COL4A6: variants seen among roughly 807,000 people sequenced by gnomAD.
COL4A6 encodes collagen alpha-6(IV) chain.
In COL4A6, 59 loss-of-function variants were observed where a neutral mutation model predicts 126.7. The ratio of observed to expected loss-of-function variants is 0.47; its 90% CI spans 0.38 to 0.58. COL4A6 has a LOEUF of 0.58. Among genes scored for constraint, COL4A6 ranks in the 20% least tolerant of loss-of-function variants. COL4A6 has a pLI of 0.00. For missense variants in COL4A6, 1,285 were observed against 1,337.3 expected (o/e 0.96, Z 0.61); for synonymous variants, 547 against 496.6 (o/e 1.10, Z -1.35).
At chrX:108,272,293 C>T (rs1280077109) in intron 3 of COL4A6, among the ~76,000 whole-genome samples, 5 of 111,806 alleles carry the variant, frequency 4.5e-5, no homozygotes, top group African/African-American at 1.6e-4. Flanking sequence ...CGTTCTCATT[C>T]TTTTAAAGGA....
chrX:108,392,649 C>T (rs1314476828), intron 2 of COL4A6, among the ~76,000 whole-genome samples: 1 of 111,376 alleles, frequency 9.0e-6, no homozygotes, highest in East Asian at 2.8e-4. Flanking sequence ...TGCTAAAATT[C>T]TAACCCCCAA....
intron 2 of COL4A6, among the ~76,000 whole-genome samples, chrX:108,372,121 A>C (rs1031716393): frequency 1.8e-5 from 2 of 111,268 alleles, no homozygotes; most frequent in East Asian, 5.7e-4. Flanking sequence ...GGAGACTAAC[A>C]GTCATTTTTC....
intron 3 of COL4A6, among the ~76,000 whole-genome samples, chrX:108,285,025 C>T (rs773142581): frequency 8.9e-5 from 10 of 111,759 alleles, no homozygotes; most frequent in Non-Finnish European, 9.4e-5. Context: ...TTACTGAAAA[C>T]GAAATTGTAC....
At position 108,309,483 on chromosome X, in the gene COL4A6, G is replaced by A. The variant is rs757846005; in HGVS notation, c.144+1265C>T. Among the ~76,000 whole-genome samples the A allele has an allele frequency of 1.3e-4, 14 of 110,931 alleles. No homozygotes were observed. In the South Asian group the frequency reaches 5.0e-3, roughly 40 times the overall value. On this transcript the variant is annotated intron_variant, in intron 3 of 44. Coordinates refer to ENST00000334504, the MANE Select transcript of COL4A6 (RefSeq NM_033641.4). ...ATACCTTCCCTTTCTCATATTTTAC[G>A]ATTCTCTAAGTCCATGTCTTTAATG...
chrX:108,162,986 G>A lies in COL4A6; in HGVS notation c.4122C>T (p.Val1374=). 1 of 1,201,223 alleles carries A rather than the reference G, an allele frequency of 8.3e-7. No individual in the cohort carries two copies. Among genetic ancestry groups the A allele is most frequent in the Non-Finnish European group, 1.1e-6 (1 of 891,264 alleles). ...DPGQTPTAEA[V]QVPPGPLGLP... ...GACCCAAGGGTCCAGGAGGAACCTGGACAGCTTCTGCAGTTGGTGTTTGTC... is the reference window on the plus strand; with the variant it reads ...GACCCAAGGGTCCAGGAGGAACCTGAACAGCTTCTGCAGTTGGTGTTTGTC... The change falls in exon 41 of 45, where the codon GTC becomes GTT. Residue 1374 remains valine (V), a synonymous_variant. Coordinates refer to ENST00000334504, the MANE Select transcript of COL4A6 (RefSeq NM_033641.4).
At chrX:108,374,540 G>T (rs936908923) in intron 2 of COL4A6, among the ~76,000 whole-genome samples, 1 of 111,862 alleles carries the variant, frequency 8.9e-6, no homozygotes, top group Admixed American at 9.5e-5. Context: ...TGTCAATCAC[G>T]TCCTATTTTC....
intron 2 of COL4A6, among the ~76,000 whole-genome samples, chrX:108,344,570 A>T (rs1160674266): frequency 1.8e-5 from 2 of 111,574 alleles, no homozygotes; most frequent in African/African-American, 6.5e-5. Context: ...GATACTTTTC[A>T]TTTTTTTTGA....
intron 3 of COL4A6, among the ~76,000 whole-genome samples, chrX:108,227,571 G>T (rs1602866882): frequency 9.0e-6 from 1 of 111,080 alleles, no homozygotes; most frequent in East Asian, 2.8e-4. Context: ...GGGCTTTCAA[G>T]TCATAGGTGG....
intron 2 of COL4A6, among the ~76,000 whole-genome samples, chrX:108,409,581 G>C: frequency 9.0e-6 from 1 of 111,517 alleles, no homozygotes; most frequent in Non-Finnish European, 1.9e-5. Context: ...TGGAAAAGCT[G>C]GAATAGAACC....
intron 3 of COL4A6, among the ~76,000 whole-genome samples, chrX:108,233,692 T>G (rs1357343975): frequency 8.9e-6 from 1 of 111,849 alleles, no homozygotes; most frequent in Admixed American, 9.5e-5. Flanking sequence ...CAAACACACA[T>G]GCCCACAGGC....
chrX:108,349,009 C>T (rs1040516822), intron 2 of COL4A6, among the ~76,000 whole-genome samples: 2 of 111,055 alleles, frequency 1.8e-5, no homozygotes, highest in Admixed American at 9.6e-5. Flanking sequence ...CATCCAGTGC[C>T]ATGACATGGA....
intron 38 of COL4A6, 80 bp from the exon 39 acceptor site, chrX:108,165,118 C>T: frequency 2.0e-6 from 2 of 976,195 alleles, no homozygotes; most frequent in South Asian, 4.3e-5. Context: ...ACTGACAGGA[C>T]TCCAAAGCCC....
intron 32 of COL4A6, among the ~76,000 whole-genome samples, chrX:108,172,227 G>GCT (rs1482372409): frequency 1.8e-5 from 2 of 109,448 alleles, no homozygotes; most frequent in Non-Finnish European, 3.8e-5. Flanking sequence ...GTTAATGCCT[G>GCT]TAATCCCAGC....
rs769164248 is a variant in COL4A6 at position 108,330,789 on chromosome X, C to T, written c.64-19961G>A. ...AGATTAAGCCAAGTTTAGGGGGAAA[C>T]GCTGGCAAATCTGAGGTTTCTTATA... On this transcript the variant is annotated intron_variant, in intron 2 of 44. Transcript: ENST00000334504. Among the ~76,000 whole-genome samples, 6 of 111,324 alleles carry T rather than the reference C, an allele frequency of 5.4e-5. 1 individual carries two copies. Among genetic ancestry groups the T allele is most frequent in the Non-Finnish European group, 5.7e-5 (3 of 53,009 alleles).
intron 23 of COL4A6, among the ~76,000 whole-genome samples, chrX:108,185,156 C>A (rs769874455): frequency 9.0e-6 from 1 of 111,128 alleles, no homozygotes; most frequent in South Asian, 3.8e-4. Flanking sequence ...TTTTGAGAGG[C>A]CAACGCGGGT....
At chrX:108,188,137 T>C in intron 21 of COL4A6, 110 bp from the exon 22 acceptor site, 1 of 539,374 alleles carries the variant, frequency 1.9e-6, no homozygotes, top group Non-Finnish European at 2.9e-6. Context: ...ATTGGCACTG[T>C]TCTAGACACT....
At chrX:108,280,233 T>C (rs2037763297) in intron 3 of COL4A6, among the ~76,000 whole-genome samples, 1 of 110,327 alleles carries the variant, frequency 9.1e-6, no homozygotes, top group Non-Finnish European at 1.9e-5. Context: ...TCAACAAAAT[T>C]GATAGACCGC....
At chrX:108,278,123 C>T (rs1378125314) in intron 3 of COL4A6, among the ~76,000 whole-genome samples, 1 of 112,433 alleles carries the variant, frequency 8.9e-6, no homozygotes, top group African/African-American at 3.2e-5. Context: ...TCACCAGCAA[C>T]AGAACAAAGC....
At chrX:108,411,815 C>G (rs988052307) in intron 2 of COL4A6, among the ~76,000 whole-genome samples, 1 of 111,564 alleles carries the variant, frequency 9.0e-6, no homozygotes, top group Admixed American at 9.6e-5. Context: ...AGCTTTATTG[C>G]AAAACCTGGA....
Sources: allele counts gnomAD v4.1 joint callset (sites outside exome capture counted in the v4.1 genomes callset), GRCh38; gene constraint gnomAD v4.1.1; transcripts MANE v1.5; gene names NCBI Gene and HGNC (gene_info 2026-07-23, HGNC 2026-07-21).